Variants in CCDC178 observed in about 807,000 individuals in gnomAD.
The protein encoded by CCDC178 is coiled-coil domain-containing protein 178.
Under a neutral mutation model 117.4 loss-of-function variants are expected in CCDC178, and 126 were observed. The observed-to-expected ratio is 1.07, with a 90% CI of 0.93 to 1.24. The LOEUF (loss-of-function observed/expected upper bound fraction) is 1.24. Ranked by LOEUF, CCDC178 falls within the 50% of genes most tolerant of loss-of-function variation. CCDC178 has a pLI of 0.00. For missense variants in CCDC178, 1,030 were observed against 986.9 expected, an observed-to-expected ratio of 1.04 and a Z score of -0.59; for synonymous variants, 283 against 313.4, an observed-to-expected ratio of 0.90 and a Z score of 1.02.
At position 33,054,401 on chromosome 18, in the gene CCDC178, A is replaced by G. The variant is rs528830755; in HGVS notation, c.2388+38360T>C. 2.3e-4 allele frequency among the ~76,000 whole-genome samples: 35 copies of G among 152,290 alleles called. No individual in the cohort carries two copies. In the East Asian group the frequency reaches 5.6e-3, roughly 24 times the overall value. ...ACATTAGGCCCAGCATCCATTAGTT[A>G]TTCTTCTTGATGCTCTACCTGCCCC... On this transcript the variant is annotated intron_variant, in intron 21 of 22. Transcript: ENST00000383096.
At chr18:33,431,992 G>A (rs145107247) in intron 2 of CCDC178, among the ~76,000 whole-genome samples, 28 of 152,286 alleles carry the variant, frequency 1.8e-4, no homozygotes, top group African/African-American at 6.7e-4. Context: ...CAGCAAAGGA[G>A]GTGACCAGAT....
intron 7 of CCDC178, among the ~76,000 whole-genome samples, chr18:33,353,998 T>A (rs1266882380): frequency 6.6e-6 from 1 of 152,196 alleles, no homozygotes; most frequent in Non-Finnish European, 1.5e-5. Flanking sequence ...CCCCTTTGGT[T>A]TATCTGAGAA....
chr18:33,428,624 C>T (rs893037346), intron 2 of CCDC178, among the ~76,000 whole-genome samples: 6 of 147,932 alleles, frequency 4.1e-5, no homozygotes, highest in African/African-American at 1.0e-4. Flanking sequence ...CCCAGCTACT[C>T]GGGAGGCTGA....
At chr18:33,273,168 T>G (rs559863735) in intron 12 of CCDC178, among the ~76,000 whole-genome samples, 20 of 151,558 alleles carry the variant, frequency 1.3e-4, no homozygotes, top group Non-Finnish European at 2.8e-4. Flanking sequence ...TTTCAAAAAC[T>G]ATAGAGCCTA....
intron 20 of CCDC178, among the ~76,000 whole-genome samples, chr18:33,151,589 G>T (rs2058341719): frequency 6.6e-6 from 1 of 152,130 alleles, no homozygotes; most frequent in African/African-American, 2.4e-5. Context: ...CAAAGAGGAT[G>T]AAAAACAATG....
chr18:33,075,941 C>T (rs1402621807), intron 21 of CCDC178, among the ~76,000 whole-genome samples: 1 of 152,008 alleles, frequency 6.6e-6, no homozygotes, highest in African/African-American at 2.4e-5. Context: ...TACACTCCAC[C>T]GTGGGGTACA....
intron 20 of CCDC178, among the ~76,000 whole-genome samples, chr18:33,162,620 T>C (rs1401078017): frequency 6.6e-6 from 1 of 152,150 alleles, no homozygotes; most frequent in African/African-American, 2.4e-5. Context: ...TGTCTGTTGT[T>C]CCTCTTTTTG....
At chr18:33,025,299 A>C (rs1041266542) in intron 21 of CCDC178, among the ~76,000 whole-genome samples, 3 of 152,214 alleles carry the variant, frequency 2.0e-5, no homozygotes, top group African/African-American at 7.2e-5. Context: ...AAACTATAAA[A>C]AATTCTAGAC....
intron 21 of CCDC178, among the ~76,000 whole-genome samples, chr18:33,038,693 G>C (rs1265239257): frequency 1.3e-5 from 2 of 151,988 alleles, no homozygotes; most frequent in Non-Finnish European, 1.5e-5. Flanking sequence ...CAAAGCCTGA[G>C]TCATTGGCAG....
chr18:33,353,310 ACT>A (rs2063003107), intron 7 of CCDC178, among the ~76,000 whole-genome samples: 1 of 151,186 alleles, frequency 6.6e-6, no homozygotes, highest in Admixed American at 6.6e-5. Flanking sequence ...CTCAGGTGAG[ACT>A]CTCATAGACA....
intron 18 of CCDC178, among the ~76,000 whole-genome samples, chr18:33,221,120 C>T (rs557295618): frequency 1.3e-5 from 2 of 152,096 alleles, no homozygotes; most frequent in African/African-American, 4.8e-5. Flanking sequence ...TCCACAGCCT[C>T]GCGCACTCTC....
At chr18:33,308,721 T>C (rs1341528525) in intron 11 of CCDC178, among the ~76,000 whole-genome samples, 1 of 152,124 alleles carries the variant, frequency 6.6e-6, no homozygotes, top group African/African-American at 2.4e-5. Context: ...GATGGGGCAG[T>C]TCCCCCATAC....
intron 21 of CCDC178, among the ~76,000 whole-genome samples, chr18:33,054,795 G>A (rs2056802374): frequency 6.6e-6 from 1 of 152,202 alleles, no homozygotes; most frequent in Non-Finnish European, 1.5e-5. Context: ...CCAGTAATGG[G>A]ATTGCTGGAT....
chr18:33,067,042 C>A (rs2057029103), intron 21 of CCDC178, among the ~76,000 whole-genome samples: 1 of 152,150 alleles, frequency 6.6e-6, no homozygotes, highest in African/African-American at 2.4e-5. Context: ...TTGATAGCAG[C>A]AGAATACACA....
chr18:33,180,449 G>T (rs1168015602), intron 20 of CCDC178, among the ~76,000 whole-genome samples: 1 of 151,560 alleles, frequency 6.6e-6, no homozygotes, highest in Non-Finnish European at 1.5e-5. Flanking sequence ...GATTTTAAAG[G>T]TATGCTAATT....
chr18:33,422,934 T>C (rs931015182), intron 2 of CCDC178, among the ~76,000 whole-genome samples: 4 of 152,212 alleles, frequency 2.6e-5, no homozygotes, highest in African/African-American at 7.2e-5. Flanking sequence ...ATATGACACA[T>C]ATACATCTTT....
intron 22 of CCDC178, among the ~76,000 whole-genome samples, chr18:32,945,149 G>A (rs2054318214): frequency 6.6e-6 from 1 of 152,134 alleles, no homozygotes. Context: ...GCTTGGAATT[G>A]TAGGCTATAT....
At chr18:33,137,588 T>C (rs1353018038) in intron 20 of CCDC178, among the ~76,000 whole-genome samples, 1 of 152,206 alleles carries the variant, frequency 6.6e-6, no homozygotes, top group Non-Finnish European at 1.5e-5. Flanking sequence ...TTATACTTCA[T>C]AAATCCATTA....
chr18:33,064,677 T>C (rs934828163), intron 21 of CCDC178, among the ~76,000 whole-genome samples: 6 of 152,156 alleles, frequency 3.9e-5, no homozygotes, highest in Admixed American at 1.3e-4. Flanking sequence ...GAAATTAAAA[T>C]AGAACTGTTA....
Sources: allele counts gnomAD v4.1 joint callset (sites outside exome capture counted in the v4.1 genomes callset), GRCh38; gene constraint gnomAD v4.1.1; transcripts MANE v1.5; gene names NCBI Gene and HGNC (gene_info 2026-07-23, HGNC 2026-07-21).